Variants in CACNA1I observed in about 807,000 individuals in gnomAD.
CACNA1I encodes the protein calcium voltage-gated channel subunit alpha1 I, also known as voltage-dependent T-type calcium channel subunit alpha-1I.
In CACNA1I, 74 loss-of-function variants were observed where a neutral mutation model predicts 201.6. That is an observed-to-expected ratio of 0.37 (90% CI 0.30 to 0.45). The LOEUF (loss-of-function observed/expected upper bound fraction) is 0.45, where lower values mean the gene tolerates loss of function less well. Ranked by LOEUF, CACNA1I falls within the 20% of genes least tolerant of loss-of-function variation. The pLI is 1.00. For missense variants in CACNA1I, 2,346 were observed against 3,138.1 expected (o/e 0.75, Z 6.03); for synonymous variants, 1,431 against 1,345.2 (o/e 1.06, Z -1.40).
At chr22:39,644,501 G>A (rs1210669819) in intron 7 of CACNA1I, among the ~76,000 whole-genome samples, 2 of 152,148 alleles carry the variant, frequency 1.3e-5, no homozygotes, top group African/African-American at 4.8e-5. Flanking sequence ...ATGAGTGCTG[G>A]CGAGAGGCTG....
intron 4 of CACNA1I, among the ~76,000 whole-genome samples, chr22:39,624,814 C>T (rs1417558099): frequency 1.3e-5 from 2 of 152,082 alleles, no homozygotes; most frequent in Non-Finnish European, 2.9e-5. Context: ...TTCATAGTTG[C>T]CTGGTTTTTT....
chr22:39,673,245 G>A (rs1935426781), intron 28 of CACNA1I, among the ~76,000 whole-genome samples, 163 bp downstream of exon 28: 2 of 152,124 alleles, frequency 1.3e-5, no homozygotes, highest in African/African-American at 4.8e-5. Flanking sequence ...GGAGCTGGGA[G>A]GCACACAGCC....
intron 1 of CACNA1I, among the ~76,000 whole-genome samples, chr22:39,572,960 T>C (rs2145795286): frequency 6.6e-6 from 1 of 152,208 alleles, no homozygotes; most frequent in South Asian, 2.1e-4. Flanking sequence ...TTTCACCATG[T>C]TGGTCAGGCT....
At position 39,629,788 on chromosome 22, in the gene CACNA1I, G is replaced by C. The variant is rs181964716; in HGVS notation, c.581-4777G>C. ...ACCCCCTTTCAGAGATGTGTATGCC[G>C]TTCGGGGCGCTGTCCACAGGGGCGT... is the stretch of plus-strand genomic sequence containing the variant. On this transcript the variant is annotated intron_variant, in intron 4 of 36. Coordinates refer to ENST00000402142, the MANE Select transcript of CACNA1I (RefSeq NM_021096.4). This position sits in a 1 kb window ranked among gnomAD's most constrained non-coding sequence, Gnocchi z 4.8. 6.6e-6 allele frequency among the ~76,000 whole-genome samples: 1 copy of C among 152,154 alleles called. No individual in the cohort carries two copies. The highest frequency in any genetic ancestry group is 2.4e-5 in the African/African-American group (1 of 41,440).
intron 1 of CACNA1I, among the ~76,000 whole-genome samples, chr22:39,594,731 A>C (rs1932860218): frequency 6.6e-6 from 1 of 151,986 alleles, no homozygotes; most frequent in Non-Finnish European, 1.5e-5. Flanking sequence ...GCTAAGGGCA[A>C]GGGCTTTGAA....
At chr22:39,585,310 G>A (rs910538987) in intron 1 of CACNA1I, among the ~76,000 whole-genome samples, 1 of 151,390 alleles carries the variant, frequency 6.6e-6, no homozygotes, top group African/African-American at 2.4e-5. Flanking sequence ...TGATCCACCC[G>A]CCTTGGCCTC....
intron 26 of CACNA1I, among the ~76,000 whole-genome samples, chr22:39,671,738 T>C (rs1164511510): frequency 2.0e-5 from 3 of 152,314 alleles, no homozygotes; most frequent in East Asian, 1.9e-4. Context: ...ACAATAATTA[T>C]ACAACTTCCA....
intron 6 of CACNA1I, among the ~76,000 whole-genome samples, chr22:39,642,235 G>A (rs950299092): frequency 1.3e-5 from 2 of 151,648 alleles, no homozygotes; most frequent in African/African-American, 2.4e-5. Flanking sequence ...GTGGGTGGCC[G>A]CTCAGGGGGT....
chr22:39,617,593 C>A (rs1032786032), intron 3 of CACNA1I, among the ~76,000 whole-genome samples: 1 of 152,120 alleles, frequency 6.6e-6, no homozygotes, highest in Non-Finnish European at 1.5e-5. Context: ...GTGCCACCCC[C>A]GCAGCCCCTC....
In CACNA1I at chr22:39,685,086, T is replaced by G; in HGVS notation, c.6027+588T>G. On this transcript the variant is annotated intron_variant, in intron 36 of 36. Coordinates refer to ENST00000402142, the MANE Select transcript of CACNA1I (RefSeq NM_021096.4). This position sits in a 1 kb window ranked among gnomAD's most constrained non-coding sequence, Gnocchi z 5.0. ...GAGTGCAGTTGATTCACTGGGTGACTGTCTGACCCGTCACACCAGGCTGTG... is the reference window on the plus strand; with the variant it reads ...GAGTGCAGTTGATTCACTGGGTGACGGTCTGACCCGTCACACCAGGCTGTG... The G allele has an allele frequency of 5.8e-6, 1 of 172,150 alleles. No individual in the cohort carries two copies. Among genetic ancestry groups the G allele is most frequent in the East Asian group, 1.7e-4 (1 of 5,866 alleles). The allele number at this position is 172,150 out of a possible 1,614,324, so 10.7% of individuals were successfully genotyped here.
intron 2 of CACNA1I, among the ~76,000 whole-genome samples, chr22:39,599,893 C>G (rs1417294855): frequency 1.3e-5 from 2 of 152,200 alleles, no homozygotes; most frequent in Non-Finnish European, 2.9e-5. Context: ...AACAGGAATT[C>G]CACCCAGTCC....
At chr22:39,653,325 A>T (rs1934707213) in intron 10 of CACNA1I, among the ~76,000 whole-genome samples, 1 of 152,218 alleles carries the variant, frequency 6.6e-6, no homozygotes, top group South Asian at 2.1e-4. Flanking sequence ...AATGTCCCTT[A>T]TAAAGCAGCT....
Position 39,598,274 on chromosome 22 carries a change from G to A in CACNA1I, c.348+12G>A. 1 of 1,311,224 alleles carries A rather than the reference G, an allele frequency of 7.6e-7. No homozygotes were observed. The highest frequency in any genetic ancestry group is 1.0e-6 in the Non-Finnish European group (1 of 971,816). The allele number at this position is 1,311,224 out of a possible 1,614,324, so 81.2% of individuals were successfully genotyped here. On this transcript the variant is annotated intron_variant, in intron 2 of 36. Transcript: ENST00000402142. ...GCAAGATCCTGCAGGTGAGCCGGCC[G>A]CCCCGCCCCGCCCCGCCCTGCCCTC...
chr22:39,661,042 T>C (rs1934990284), intron 15 of CACNA1I, 66 bp from the exon 16 acceptor site: 3 of 1,272,158 alleles, frequency 2.4e-6, no homozygotes, highest in Non-Finnish European at 3.4e-6. Flanking sequence ...GTCTCGTGGC[T>C]CCCTTGCTGT....
At chr22:39,670,304 T>G (rs1935331783) in intron 25 of CACNA1I, 74 bp downstream of exon 25, 1 of 1,469,530 alleles carries the variant, frequency 6.8e-7, no homozygotes, top group Non-Finnish European at 9.2e-7. Context: ...CCCAGCCTCC[T>G]GAGCCTTTGG....
chr22:39,615,475 C>T (rs1933505687), intron 3 of CACNA1I, among the ~76,000 whole-genome samples: 1 of 152,096 alleles, frequency 6.6e-6, no homozygotes, highest in African/African-American at 2.4e-5. Flanking sequence ...GTGATCCGGG[C>T]TAGGACAGGG....
Position 39,646,691 on chromosome 22 carries a change from G to C in CACNA1I, c.1272G>C (p.Thr424=). ...GGCAGCGCTACCTGTCCTCCAGCACGGTGGCCAGCTACGCCGAGCCTGGCG... is the reference window on the plus strand; with the variant it reads ...GGCAGCGCTACCTGTCCTCCAGCACCGTGGCCAGCTACGCCGAGCCTGGCG... ...EQRQRYLSSS[T]VASYAEPGDC... The change falls in exon 8 of 37, where the codon ACG becomes ACC. Residue 424 remains threonine, a synonymous_variant. Transcript: ENST00000402142. The C allele has an allele frequency of 6.3e-7, 1 of 1,590,332 alleles. No homozygotes were observed. Among genetic ancestry groups the C allele is most frequent in the Non-Finnish European group, 8.6e-7 (1 of 1,168,826 alleles).
intron 1 of CACNA1I, among the ~76,000 whole-genome samples, chr22:39,590,092 C>T (rs1932804517): frequency 6.6e-6 from 1 of 152,272 alleles, no homozygotes; most frequent in African/African-American, 2.4e-5. Context: ...GGAGAGGAGG[C>T]TGCCCTGCAG....
Position 39,652,783 on chromosome 22 carries a change from T to A in CACNA1I, c.1992+2858T>A, listed in dbSNP as rs545655219. Among the ~76,000 whole-genome samples, 91 of 152,326 alleles carry A rather than the reference T, an allele frequency of 6.0e-4. No individual in the cohort carries two copies. In the Middle Eastern group the frequency reaches 0.01, roughly 17 times the overall value. ...AACCAAGTGTGGTGGTGCATGTCTG[T>A]AGTCCCAGCTTCTCAGGAGGCTGAG... On this transcript the variant is annotated intron_variant, in intron 10 of 36. Coordinates refer to ENST00000402142, the MANE Select transcript of CACNA1I (RefSeq NM_021096.4).
Sources: allele counts gnomAD v4.1 joint callset (sites outside exome capture counted in the v4.1 genomes callset), GRCh38; gene constraint gnomAD v4.1.1; non-coding constraint Gnocchi (gnomAD v3.1); transcripts MANE v1.5; gene names NCBI Gene and HGNC (gene_info 2026-07-23, HGNC 2026-07-21).